Variants in MYLK observed in about 807,000 individuals in gnomAD.
The protein encoded by MYLK is myosin light chain kinase, smooth muscle.
In MYLK, 106 loss-of-function variants were observed where a neutral mutation model predicts 203.4. The observed-to-expected ratio is 0.52, with a 90% CI of 0.45 to 0.61. The LOEUF (loss-of-function observed/expected upper bound fraction) is 0.61. Among genes scored for constraint, MYLK ranks in the 20% least tolerant of loss-of-function variants. The pLI, the probability that MYLK is intolerant of heterozygous loss-of-function variation, is 0.00. For synonymous variants in MYLK, 867 were observed against 959.5 expected (o/e 0.90, Z 1.78); for missense variants, 2,072 against 2,442.3 (o/e 0.85, Z 3.20).
At chr3:123,739,653 C>T (rs553529887) in intron 6 of MYLK, among the ~76,000 whole-genome samples, 1 of 152,334 alleles carries the variant, frequency 6.6e-6, no homozygotes, top group East Asian at 1.9e-4. Context: ...CTGTTACCCG[C>T]CTCTTCTAGG....
At chr3:123,684,692 G>A (rs565707755) in intron 19 of MYLK, among the ~76,000 whole-genome samples, 1 of 152,180 alleles carries the variant, frequency 6.6e-6, no homozygotes, top group African/African-American at 2.4e-5. Flanking sequence ...CTGAGTACAC[G>A]CCTGACTAAT....
chr3:123,756,749 T>C (rs2063371829), intron 4 of MYLK, among the ~76,000 whole-genome samples: 1 of 152,194 alleles, frequency 6.6e-6, no homozygotes, highest in Non-Finnish European at 1.5e-5. Context: ...CAATGAGTTT[T>C]GGAAATGGCA....
intron 16 of MYLK, among the ~76,000 whole-genome samples, chr3:123,702,055 A>G (rs2061255872): frequency 6.6e-6 from 1 of 152,162 alleles, no homozygotes; most frequent in Admixed American, 6.5e-5. Context: ...AAAACCCAAC[A>G]AGTGTTTTCC....
chr3:123,614,409 T>C (rs1402384468), intron 33 of MYLK, 60 bp from the exon 34 acceptor site: 19 of 1,606,464 alleles, frequency 1.2e-5, no homozygotes, highest in Non-Finnish European at 1.4e-5. Flanking sequence ...TCTTATCAAC[T>C]CATGCAAGCA....
At chr3:123,666,612 T>G (rs767614783) in intron 21 of MYLK, among the ~76,000 whole-genome samples, 2 of 152,232 alleles carry the variant, frequency 1.3e-5, no homozygotes, top group Non-Finnish European at 2.9e-5. Flanking sequence ...TACTGGAATT[T>G]GTGACTTACC....
chr3:123,673,151 T>C (rs1027911184), intron 20 of MYLK, among the ~76,000 whole-genome samples: 1 of 135,832 alleles, frequency 7.4e-6, no homozygotes, highest in East Asian at 2.0e-4. Flanking sequence ...GCATGTTCTT[T>C]TTTTCTTTTC....
chr3:123,763,325 C>T (rs1281096196), intron 4 of MYLK, among the ~76,000 whole-genome samples: 2 of 152,172 alleles, frequency 1.3e-5, no homozygotes, highest in Admixed American at 6.5e-5. Context: ...TCATCCTCCT[C>T]TAATCTAAAC....
chr3:123,707,814 A>G lies in MYLK; in HGVS notation c.2330T>C (p.Phe777Ser), dbSNP rs2061520567. ...CTGCACCTTCTTTAGAACCAGGGTG[A>G]ACACGTCCTCATTCTGAAGCACCTC... Reference protein sequence around the residue: ...HFEVLQNEDVFTLVLKKVQPW... With the variant: ...HFEVLQNEDVSTLVLKKVQPW... The change falls in exon 16 of 34, where the codon TTC (phenylalanine) becomes TCC (serine). Residue 777 changes from phenylalanine to serine, a missense_variant. Phe to Ser is a radical substitution (Grantham distance 155, BLOSUM62 -2). Coordinates refer to ENST00000360304, the MANE Select transcript of MYLK (RefSeq NM_053025.4). 1.9e-6 allele frequency: 3 copies of G among 1,614,100 alleles called. No homozygotes were observed. The highest frequency in any genetic ancestry group is 1.7e-5 in the Admixed American group (1 of 60,006).
chr3:123,685,252 C>A (rs820369), intron 19 of MYLK, among the ~76,000 whole-genome samples: 131,639 of 152,226 alleles, frequency 0.86, 59,801 homozygotes, highest in Non-Finnish European at 1. Flanking sequence ...GGTGTTTTGA[C>A]GCCCAAAGGA....
At chr3:123,654,713 C>CTTTT (rs1201129769) in intron 24 of MYLK, among the ~76,000 whole-genome samples, 59 of 125,268 alleles carry the variant, frequency 4.7e-4, no homozygotes, top group Non-Finnish European at 6.1e-4. Flanking sequence ...TTCTTTAATT[C>CTTTT]TTTTTTTTTT....
At chr3:123,614,694 T>C (rs2057371183) in intron 33 of MYLK, among the ~76,000 whole-genome samples, 1 of 151,944 alleles carries the variant, frequency 6.6e-6, no homozygotes, top group Admixed American at 6.6e-5. Context: ...AGTGGCATGA[T>C]CGTAGCTTAC....
At chr3:123,632,498 GCA>G (rs1346162445) in intron 29 of MYLK, among the ~76,000 whole-genome samples, 1 of 152,120 alleles carries the variant, frequency 6.6e-6, no homozygotes, top group African/African-American at 2.4e-5. Flanking sequence ...GCAACTCTGG[GCA>G]CAGTCAGGGA....
chr3:123,724,139 CTTTTTTTTTT>C (rs5852359), intron 12 of MYLK, among the ~76,000 whole-genome samples: 28 of 80,854 alleles, frequency 3.5e-4, no homozygotes, highest in East Asian at 1.2e-3. Flanking sequence ...CTAAGTTTTG[CTTTTTTTTTT>C]TTTTTTTTTT....
intron 1 of MYLK, among the ~76,000 whole-genome samples, chr3:123,880,195 A>C (rs998029510): frequency 6.6e-6 from 1 of 152,232 alleles, no homozygotes; most frequent in Non-Finnish European, 1.5e-5. Flanking sequence ...CCCATGCCCA[A>C]GAACACCCAG....
chr3:123,813,484 TC>T (rs1272046212), intron 3 of MYLK, among the ~76,000 whole-genome samples: 1 of 151,588 alleles, frequency 6.6e-6, no homozygotes, highest in East Asian at 1.9e-4. Context: ...CACCTCTGCG[TC>T]AGGGAATCTT....
At chr3:123,782,715 G>A (rs1393097529) in intron 4 of MYLK, among the ~76,000 whole-genome samples, 1 of 152,150 alleles carries the variant, frequency 6.6e-6, no homozygotes, top group Non-Finnish European at 1.5e-5. Context: ...TTTCAAGGCA[G>A]ACAGTCGAGA....
chr3:123,770,006 A>G (rs1477580288), intron 4 of MYLK, among the ~76,000 whole-genome samples: 19 of 152,136 alleles, frequency 1.2e-4, no homozygotes, highest in Admixed American at 1.2e-3. Context: ...TGATAGAATC[A>G]ATGTTCTAAA....
intron 3 of MYLK, among the ~76,000 whole-genome samples, chr3:123,804,451 C>T (rs531601934): frequency 6.6e-6 from 1 of 152,220 alleles, no homozygotes; most frequent in East Asian, 1.9e-4. Flanking sequence ...CCTAGGAAAG[C>T]CCACTTGAGA....
intron 13 of MYLK, among the ~76,000 whole-genome samples, chr3:123,718,657 T>C (rs1349345197): frequency 2.0e-5 from 3 of 151,972 alleles, no homozygotes; most frequent in Admixed American, 6.5e-5. Context: ...CTCTGAGGCT[T>C]CCTCACAGCA....
Sources: allele counts gnomAD v4.1 joint callset (sites outside exome capture counted in the v4.1 genomes callset), GRCh38; gene constraint gnomAD v4.1.1; transcripts MANE v1.5; gene names NCBI Gene and HGNC (gene_info 2026-07-23, HGNC 2026-07-21).